The following SLC5A1 variants were observed in gnomAD, a reference collection of about 807,000 sequenced individuals.
SLC5A1 encodes the protein solute carrier family 5 member 1.
In SLC5A1, 42 loss-of-function variants were observed where a neutral mutation model predicts 73.5. The ratio of observed to expected loss-of-function variants is 0.57; its 90% CI spans 0.45 to 0.74. The LOEUF (loss-of-function observed/expected upper bound fraction) is 0.74, where lower values mean the gene tolerates loss of function less well. Among genes scored for constraint, SLC5A1 ranks in the 30% least tolerant of loss-of-function variants. SLC5A1 has a pLI of 0.00. For synonymous variants in SLC5A1, 300 were observed against 317.4 expected (o/e 0.95, Z 0.58); for missense variants, 634 against 855.4 (o/e 0.74, Z 3.23).
chr22:32,053,688 T>C (rs2093947955), intron 2 of SLC5A1, among the ~76,000 whole-genome samples: 2 of 152,194 alleles, frequency 1.3e-5, no homozygotes, highest in Non-Finnish European at 2.9e-5. Context: ...ATACCATTTT[T>C]TGTAATCCGT....
intron 10 of SLC5A1, among the ~76,000 whole-genome samples, chr22:32,088,031 T>C (rs1033357516): frequency 1.3e-5 from 2 of 152,210 alleles, no homozygotes; most frequent in Non-Finnish European, 2.9e-5. Flanking sequence ...ATTCAAATTA[T>C]ATAAAAATGG....
intron 2 of SLC5A1, among the ~76,000 whole-genome samples, chr22:32,057,243 C>T (rs1569301190): frequency 6.6e-6 from 1 of 152,152 alleles, no homozygotes; most frequent in Non-Finnish European, 1.5e-5. Context: ...GATTGTGAAG[C>T]CAGTTGTCCA....
rs374997248 is a variant in SLC5A1, at chr22:32,099,336, G to A, written c.1434G>A (p.Lys478=). 6.2e-7 allele frequency: 1 copy of A among 1,612,696 alleles called. No homozygotes were observed. Among genetic ancestry groups the A allele is most frequent in the Non-Finnish European group, 8.5e-7 (1 of 1,179,352 alleles). ...TCTTCCTGCTTGCTATTTTCTGGAA[G>A]AGAGTCAATGAGCCAGTAGGTATCA... ...AAVFLLAIFW[K]RVNEPGAFWG... The change falls in exon 12 of 15, where the codon AAG becomes AAA. Residue 478 remains lysine, a synonymous_variant. Coordinates refer to ENST00000266088, the MANE Select transcript of SLC5A1 (RefSeq NM_000343.4).
At chr22:32,105,665 A>T (rs2094044364) in intron 14 of SLC5A1, among the ~76,000 whole-genome samples, 1 of 152,206 alleles carries the variant, frequency 6.6e-6, no homozygotes. Flanking sequence ...GCTATCAAAT[A>T]GTAGGTTAGT....
chr22:32,058,171 G>A (rs1190504921), intron 2 of SLC5A1, among the ~76,000 whole-genome samples: 1 of 152,042 alleles, frequency 6.6e-6, no homozygotes, highest in Non-Finnish European at 1.5e-5. Flanking sequence ...ATATAGGTTT[G>A]TATCTCCTCA....
chr22:32,047,705 C>T (rs942898505), intron 1 of SLC5A1, among the ~76,000 whole-genome samples: 7 of 152,152 alleles, frequency 4.6e-5, no homozygotes, highest in Admixed American at 3.9e-4. Flanking sequence ...TTCAATACAT[C>T]GTTGCAGACT....
chr22:32,056,750 G>C (rs894410958), intron 2 of SLC5A1, among the ~76,000 whole-genome samples: 5 of 152,182 alleles, frequency 3.3e-5, no homozygotes, highest in Non-Finnish European at 5.9e-5. Flanking sequence ...CTGGGTCTTA[G>C]ATGGTTTGTT....
intron 1 of SLC5A1, among the ~76,000 whole-genome samples, chr22:32,045,863 A>C (rs117486425): frequency 0.045 from 6,817 of 152,272 alleles, 204 homozygotes; most frequent in Non-Finnish European, 0.07. Flanking sequence ...TAAACTATGG[A>C]CCATGGGCCA....
intron 12 of SLC5A1, among the ~76,000 whole-genome samples, chr22:32,099,753 A>T (rs771129757): frequency 6.6e-6 from 1 of 152,104 alleles, no homozygotes; most frequent in African/African-American, 2.4e-5. Flanking sequence ...ACCTGACTGC[A>T]TGGCACTCCC....
intron 12 of SLC5A1, 145 bp from the exon 13 acceptor site, chr22:32,101,877 T>C (rs1204543770): frequency 1.4e-6 from 1 of 701,402 alleles, no homozygotes; most frequent in African/African-American, 1.8e-5. Flanking sequence ...ATTCTGAACT[T>C]CAGTGTTCTG....
At chr22:32,095,927 C>A (rs543482851) in intron 11 of SLC5A1, among the ~76,000 whole-genome samples, 1 of 152,320 alleles carries the variant, frequency 6.6e-6, no homozygotes, top group East Asian at 1.9e-4. Flanking sequence ...GTGATCTAGA[C>A]CTTCAGGTTC....
At chr22:32,075,691 G>A (rs76010922) in intron 5 of SLC5A1, among the ~76,000 whole-genome samples, 6,822 of 152,148 alleles carry the variant, frequency 0.045, 209 homozygotes, top group Non-Finnish European at 0.071. Flanking sequence ...GATTTGAGAG[G>A]ACTATGGGGA....
At chr22:32,071,495 G>T (rs2093982765) in intron 5 of SLC5A1, among the ~76,000 whole-genome samples, 1 of 152,092 alleles carries the variant, frequency 6.6e-6, no homozygotes, top group African/African-American at 2.4e-5. Context: ...AACGAACATG[G>T]TTAACTGAGA....
intron 3 of SLC5A1, among the ~76,000 whole-genome samples, chr22:32,067,342 A>ATTG (rs2093975252): frequency 6.7e-6 from 1 of 149,834 alleles, no homozygotes; most frequent in East Asian, 1.9e-4. Context: ...GATTTCCATT[A>ATTG]TTATTATTAT....
chr22:32,104,736 C>T (rs762887464), intron 13 of SLC5A1, 50 bp from the exon 14 acceptor site: 4 of 1,485,282 alleles, frequency 2.7e-6, no homozygotes, highest in Non-Finnish European at 3.8e-6. Context: ...ACTTCTTGTC[C>T]CAAGATGCTA....
At chr22:32,054,902 T>TG (rs1302790061) in intron 2 of SLC5A1, among the ~76,000 whole-genome samples, 2 of 152,170 alleles carry the variant, frequency 1.3e-5, no homozygotes, top group Non-Finnish European at 2.9e-5. Context: ...CTTGAACTCC[T>TG]GGCCTCATGT....
chr22:32,048,635 T>C (rs1289734671), intron 1 of SLC5A1, among the ~76,000 whole-genome samples: 1 of 152,218 alleles, frequency 6.6e-6, no homozygotes, highest in Non-Finnish European at 1.5e-5. Context: ...GTTTCTGGAA[T>C]CTTACCACAT....
chr22:32,049,582 T>A (rs1055413185), intron 1 of SLC5A1, among the ~76,000 whole-genome samples: 1 of 150,810 alleles, frequency 6.6e-6, no homozygotes, highest in African/African-American at 2.4e-5. Context: ...AAATATAGCA[T>A]TCATTAGGAA....
intron 2 of SLC5A1, among the ~76,000 whole-genome samples, chr22:32,053,408 C>T (rs1373922863): frequency 6.6e-6 from 1 of 151,174 alleles, no homozygotes; most frequent in East Asian, 1.9e-4. Flanking sequence ...TTCTCTTTTC[C>T]TCTTTCTCTC....
Sources: allele counts gnomAD v4.1 joint callset (sites outside exome capture counted in the v4.1 genomes callset), GRCh38; gene constraint gnomAD v4.1.1; transcripts MANE v1.5; gene names NCBI Gene and HGNC (gene_info 2026-07-23, HGNC 2026-07-21).